The following TOX variants were observed in gnomAD, a reference collection of about 807,000 sequenced individuals.
TOX encodes the protein thymocyte selection associated high mobility group box.
In TOX, 11 loss-of-function variants were observed where a neutral mutation model predicts 53.7. The ratio of observed to expected loss-of-function variants is 0.20; its 90% CI spans 0.13 to 0.34. The LOEUF is 0.34. TOX is among the 10% of genes least tolerant of loss of function. The pLI is 1.00. For synonymous variants in TOX, 225 were observed against 245.3 expected, an observed-to-expected ratio of 0.92 and a Z score of 0.77; for missense variants, 570 against 664.6, an observed-to-expected ratio of 0.86 and a Z score of 1.56.
chr8:59,062,145 T>C (rs2129422016), intron 1 of TOX, among the ~76,000 whole-genome samples: 1 of 152,016 alleles, frequency 6.6e-6, no homozygotes, highest in South Asian at 2.1e-4. Context: ...AACCTAAAAG[T>C]CAGGTGGAAA....
chr8:58,941,330 A>ACTATAATGGATTACT (rs1563396001), intron 2 of TOX, among the ~76,000 whole-genome samples: 11 of 152,168 alleles, frequency 7.2e-5, no homozygotes, highest in African/African-American at 2.7e-4. Context: ...CCTCCATTTA[A>ACTATAATGGATTACT]CCATTATAGT....
chr8:58,969,707 G>A (rs1812968531), intron 1 of TOX, among the ~76,000 whole-genome samples: 1 of 151,896 alleles, frequency 6.6e-6, no homozygotes, highest in East Asian at 1.9e-4. Flanking sequence ...CCTCTACACC[G>A]AGATCATTCT....
At chr8:58,817,350 A>G (rs1264021290) in intron 6 of TOX, among the ~76,000 whole-genome samples, 3 of 152,048 alleles carry the variant, frequency 2.0e-5, no homozygotes, top group Non-Finnish European at 4.4e-5. Context: ...TAGATCAAAG[A>G]AGCTTTATTA....
At chr8:59,084,223 A>G (rs926708128) in intron 1 of TOX, among the ~76,000 whole-genome samples, 1 of 152,158 alleles carries the variant, frequency 6.6e-6, no homozygotes, top group Non-Finnish European at 1.5e-5. Flanking sequence ...ATGAAAGAGG[A>G]CTTAAAATAT....
chr8:58,953,721 T>C lies in TOX; in HGVS notation c.168+6222A>G, dbSNP rs1585921541. ...ATGGCAGCTTTATCATTCTATTGGGTCAATGGTCAAAAAGTCAAGTTAATG... is the reference window on the plus strand; with the variant it reads ...ATGGCAGCTTTATCATTCTATTGGGCCAATGGTCAAAAAGTCAAGTTAATG... On this transcript the variant is annotated intron_variant, in intron 2 of 8. Transcript: ENST00000361421. 4.6e-5 allele frequency among the ~76,000 whole-genome samples: 7 copies of C among 152,270 alleles called. No homozygotes were observed. The South Asian group carries it at 1.5e-3, about 32-fold the overall frequency.
At chr8:59,088,333 G>A (rs1804549847) in intron 1 of TOX, among the ~76,000 whole-genome samples, 1 of 152,164 alleles carries the variant, frequency 6.6e-6, no homozygotes, top group Admixed American at 6.5e-5. Context: ...GAAGGGATAG[G>A]TAACAATGTG....
intron 3 of TOX, among the ~76,000 whole-genome samples, chr8:58,858,033 G>A (rs540669891): frequency 3.3e-5 from 5 of 152,252 alleles, no homozygotes; most frequent in East Asian, 1.9e-4. Context: ...GCCTCCCAAA[G>A]TGTTGGGATT....
intron 3 of TOX, among the ~76,000 whole-genome samples, chr8:58,861,915 G>C (rs1218291567): frequency 2.6e-5 from 4 of 152,106 alleles, no homozygotes; most frequent in African/African-American, 9.7e-5. Flanking sequence ...TAAATCATTA[G>C]ATACACGTGA....
intron 1 of TOX, among the ~76,000 whole-genome samples, chr8:59,021,481 A>AAAAAAATATATATATATATATATATATAT (rs59174995): frequency 3.1e-5 from 2 of 64,736 alleles, no homozygotes; most frequent in African/African-American, 1.1e-4. Flanking sequence ...AAAAAAAAAA[A>AAAAAAATATATATATATATATATATATAT]ATATATATAT....
intron 6 of TOX, among the ~76,000 whole-genome samples, chr8:58,826,575 C>T (rs530640088): frequency 2.8e-4 from 42 of 152,298 alleles, no homozygotes; most frequent in Non-Finnish European, 6.0e-4. Flanking sequence ...TGTACTGTGA[C>T]TAATCCACAA....
intron 3 of TOX, among the ~76,000 whole-genome samples, chr8:58,926,569 T>C (rs1563391286): frequency 6.6e-6 from 1 of 152,218 alleles, no homozygotes; most frequent in Non-Finnish European, 1.5e-5. Context: ...GTAGCAGGAA[T>C]TTAATAAAGA....
intron 1 of TOX, among the ~76,000 whole-genome samples, chr8:59,023,887 C>T (rs1334663127): frequency 6.6e-6 from 1 of 152,190 alleles, no homozygotes; most frequent in Non-Finnish European, 1.5e-5. Context: ...AGTGCTTGAA[C>T]TCCCCAAAGT....
intron 4 of TOX, among the ~76,000 whole-genome samples, chr8:58,843,811 C>T (rs1810681492): frequency 6.6e-6 from 1 of 152,112 alleles, no homozygotes; most frequent in African/African-American, 2.4e-5. Flanking sequence ...TTTGTAAGGC[C>T]TACTTTTGGA....
intron 1 of TOX, chr8:58,992,970 G>C (rs940810783): frequency 6.6e-6 from 1 of 152,222 alleles, no homozygotes; most frequent in African/African-American, 2.4e-5. Flanking sequence ...AAAAGTCAGA[G>C]AACAGAGGGA....
At chr8:58,816,009 A>C (rs990973511) in intron 6 of TOX, among the ~76,000 whole-genome samples, 4 of 152,228 alleles carry the variant, frequency 2.6e-5, no homozygotes, top group African/African-American at 9.6e-5. Flanking sequence ...GAGGGTGACA[A>C]GATGGGTTTG....
At chr8:59,110,627 T>TTA (rs1391378886) in intron 1 of TOX, among the ~76,000 whole-genome samples, 1 of 152,184 alleles carries the variant, frequency 6.6e-6, no homozygotes, top group East Asian at 1.9e-4. Flanking sequence ...TCTTTCACAG[T>TTA]TATTCTCCAC....
chr8:58,837,935 G>A (rs760696956), intron 5 of TOX, 146 bp downstream of exon 5: 54 of 652,946 alleles, frequency 8.3e-5, no homozygotes, highest in Non-Finnish European at 1.4e-4. Context: ...TTATGTGAAC[G>A]TCTCAGAAAG....
chr8:58,976,155 T>C (rs765775865), intron 1 of TOX, among the ~76,000 whole-genome samples: 3 of 152,196 alleles, frequency 2.0e-5, no homozygotes, highest in Non-Finnish European at 4.4e-5. Flanking sequence ...TGCTGTTTGA[T>C]AGCATGCTAC....
chr8:58,869,225 C>CAAAAA (rs59540993), intron 3 of TOX, among the ~76,000 whole-genome samples: 9 of 90,794 alleles, frequency 9.9e-5, no homozygotes, highest in South Asian at 4.3e-4. Context: ...GACTGCGTCT[C>CAAAAA]AAAAAAAAAA....
Sources: gnomAD v4.1 joint callset for allele counts (sites outside exome capture counted in the v4.1 genomes callset) on GRCh38, gnomAD v4.1.1 for gene constraint, MANE v1.5 for transcripts, NCBI Gene and HGNC (gene_info 2026-07-23, HGNC 2026-07-21) for gene names.